Variants in SLC14A2 observed in about 807,000 individuals in gnomAD.
SLC14A2 encodes the protein solute carrier family 14 member 2.
Under a neutral mutation model 104.6 loss-of-function variants are expected in SLC14A2, and 91 were observed. That is an observed-to-expected ratio of 0.87 (90% CI 0.73 to 1.04). The LOEUF (loss-of-function observed/expected upper bound fraction) is 1.04. Ranked by LOEUF, SLC14A2 falls within the 50% of genes least tolerant of loss-of-function variation. The probability of loss-of-function intolerance (pLI) is 0.00; values close to 1 mark genes in which losing one functional copy is unlikely to be tolerated. For missense variants in SLC14A2, 1,189 were observed against 1,156.0 expected (o/e 1.03, Z -0.41); for synonymous variants, 476 against 466.4 (o/e 1.02, Z -0.27).
chr18:45,498,848 G>C (rs1345500181), intron 2 of SLC14A2, among the ~76,000 whole-genome samples: 4 of 152,198 alleles, frequency 2.6e-5, no homozygotes, highest in Non-Finnish European at 4.4e-5. Flanking sequence ...TGCACTCACT[G>C]TCTCTCCTTC....
intron 2 of SLC14A2, among the ~76,000 whole-genome samples, chr18:45,514,972 T>A (rs1263471000): frequency 1.3e-5 from 2 of 152,228 alleles, no homozygotes; most frequent in Non-Finnish European, 1.5e-5. Flanking sequence ...CCAAGTTCAA[T>A]GATTCTCTTG....
intron 1 of SLC14A2, among the ~76,000 whole-genome samples, chr18:45,416,591 T>C (rs997573751): frequency 1.3e-5 from 2 of 152,160 alleles, no homozygotes; most frequent in Non-Finnish European, 2.9e-5. Context: ...TCTTTGGTCT[T>C]TGTTGTATAT....
At chr18:45,172,114 G>A in the SLC14A2 span, among the ~76,000 whole-genome samples, 21 of 152,174 alleles carry the variant, frequency 1.4e-4, no homozygotes, top group Middle Eastern at 3.4e-3. Context: ...ATTTGGCTTC[G>A]CTCAAATAAT....
At chr18:45,551,271 C>T (rs1327220629) in intron 2 of SLC14A2, among the ~76,000 whole-genome samples, 4 of 152,192 alleles carry the variant, frequency 2.6e-5, no homozygotes, top group African/African-American at 4.8e-5. Flanking sequence ...GGGAACTGGG[C>T]GGTGTGATGG....
chr18:45,636,852 G>A (rs2144541016), intron 5 of SLC14A2, 138 bp from the exon 6 acceptor site: 1 of 635,500 alleles, frequency 1.6e-6, no homozygotes, highest in Non-Finnish European at 2.8e-6. Flanking sequence ...CAGATCATTG[G>A]AACACTGGAG....
At chr18:45,395,918 T>G (rs1268601553) in intron 1 of SLC14A2, among the ~76,000 whole-genome samples, 1 of 152,168 alleles carries the variant, frequency 6.6e-6, no homozygotes, top group African/African-American at 2.4e-5. Context: ...GGAAGGACTC[T>G]TAGCACTGAA....
At position 45,381,152 on chromosome 18, in the gene SLC14A2, G is replaced by A. The variant is rs930248461; in HGVS notation, c.-124-102081G>A. Among the ~76,000 whole-genome samples, 6 of 152,198 alleles carry A rather than the reference G, an allele frequency of 3.9e-5. No homozygotes were observed. In the South Asian group the frequency reaches 1.2e-3, roughly 32 times the overall value. ...ATAAACCTCTTCACAGATGGAGCCA[G>A]CCAGTACTCTGCACTTGTTAGTGAA... On this transcript the variant is annotated intron_variant, in intron 1 of 20. Coordinates refer to the SLC14A2 transcript ENST00000586448.
chr18:45,409,042 G>A (rs2086186251), intron 1 of SLC14A2, among the ~76,000 whole-genome samples: 1 of 152,128 alleles, frequency 6.6e-6, no homozygotes, highest in Non-Finnish European at 1.5e-5. Context: ...TTTAACTTCT[G>A]TGTGTCAAAC....
chr18:45,467,506 G>C (rs549794227), intron 1 of SLC14A2, among the ~76,000 whole-genome samples: 2 of 152,246 alleles, frequency 1.3e-5, no homozygotes, highest in African/African-American at 4.8e-5. Context: ...GTCTGGCTTG[G>C]GTCACGTGCC....
At chr18:45,535,329 A>C (rs1161294454) in intron 2 of SLC14A2, among the ~76,000 whole-genome samples, 1 of 152,146 alleles carries the variant, frequency 6.6e-6, no homozygotes, top group African/African-American at 2.4e-5. Context: ...AAATAGAAAG[A>C]GTTTGTTGGA....
chr18:45,268,635 A>G (rs926564114), intron 1 of SLC14A2, among the ~76,000 whole-genome samples: 1 of 152,230 alleles, frequency 6.6e-6, no homozygotes, highest in Non-Finnish European at 1.5e-5. Context: ...GGAAGCACCT[A>G]GTATAAGCAA....
intron 2 of SLC14A2, chr18:45,550,208 G>C (rs2044038052): frequency 6.6e-6 from 1 of 152,128 alleles, no homozygotes; most frequent in Non-Finnish European, 1.5e-5. Context: ...GCTTGGGGTG[G>C]GAGTCTCTTG....
intron 1 of SLC14A2, among the ~76,000 whole-genome samples, chr18:45,368,847 A>G (rs778285378): frequency 5.3e-5 from 8 of 152,264 alleles, no homozygotes; most frequent in Non-Finnish European, 1.0e-4. Flanking sequence ...AATAGCCAAT[A>G]AAGACCAAAA....
At chr18:45,243,936 C>T (rs2084343253) in intron 1 of SLC14A2, among the ~76,000 whole-genome samples, 1 of 152,116 alleles carries the variant, frequency 6.6e-6, no homozygotes, top group African/African-American at 2.4e-5. Flanking sequence ...ATCTGATTGG[C>T]ACAAGAGTTA....
chr18:45,231,471 A>C (rs2084174162), intron 1 of SLC14A2, among the ~76,000 whole-genome samples: 1 of 152,186 alleles, frequency 6.6e-6, no homozygotes, highest in African/African-American at 2.4e-5. Context: ...CCAAATGGGA[A>C]GTACTGTGAT....
At chr18:45,555,060 T>A (rs1165617106) in intron 2 of SLC14A2, among the ~76,000 whole-genome samples, 1 of 152,214 alleles carries the variant, frequency 6.6e-6, no homozygotes, top group Non-Finnish European at 1.5e-5. Flanking sequence ...GCTCAATAAA[T>A]ATTTGTTGAC....
At chr18:45,655,149 C>T (rs2045811043) in intron 10 of SLC14A2, among the ~76,000 whole-genome samples, 1 of 152,188 alleles carries the variant, frequency 6.6e-6, no homozygotes, top group Admixed American at 6.5e-5. Context: ...CTCAGGGTCC[C>T]CCTTTTACAT....
At chr18:45,580,865 A>G (rs540782130) in intron 2 of SLC14A2, among the ~76,000 whole-genome samples, 1 of 152,224 alleles carries the variant, frequency 6.6e-6, no homozygotes, top group South Asian at 2.1e-4. Context: ...AGATGAGAGA[A>G]TCAGGCACAT....
intron 1 of SLC14A2, among the ~76,000 whole-genome samples, chr18:45,406,900 C>T (rs1201695268): frequency 2.0e-5 from 3 of 152,120 alleles, no homozygotes; most frequent in Admixed American, 2.0e-4. Context: ...AACAGATGAG[C>T]TATCATTTAG....
Sources: allele counts gnomAD v4.1 joint callset (sites outside exome capture counted in the v4.1 genomes callset), GRCh38; gene constraint gnomAD v4.1.1; transcripts MANE v1.5; gene names NCBI Gene and HGNC (gene_info 2026-07-23, HGNC 2026-07-21).